The following PRKG1 variants were observed in gnomAD, a reference collection of about 807,000 sequenced individuals.
The protein encoded by PRKG1 is protein kinase cGMP-dependent 1.
A neutral mutation model predicts 88.1 loss-of-function variants in PRKG1; 35 were observed. The ratio of observed to expected loss-of-function variants is 0.40; its 90% CI spans 0.30 to 0.53. The LOEUF (loss-of-function observed/expected upper bound fraction) is 0.53, where lower values mean the gene tolerates loss of function less well. PRKG1 is among the 20% of genes least tolerant of loss of function. The pLI is 0.59. For missense variants in PRKG1, 540 were observed against 839.8 expected (o/e 0.64, Z 4.41); for synonymous variants, 303 against 292.5 (o/e 1.04, Z -0.37).
intron 5 of PRKG1, among the ~76,000 whole-genome samples, chr10:51,987,700 C>G (rs143352506): frequency 6.6e-6 from 1 of 151,908 alleles, no homozygotes; most frequent in African/African-American, 2.4e-5. Context: ...TGTAACTATT[C>G]GCTCTAAAGA....
intron 1 of PRKG1, among the ~76,000 whole-genome samples, chr10:51,023,805 G>A (rs1843168514): frequency 1.3e-5 from 2 of 152,094 alleles, no homozygotes; most frequent in South Asian, 4.1e-4. Flanking sequence ...GATAACCCTG[G>A]TTATGCTCTG....
At chr10:51,304,753 A>G (rs945752346) in intron 2 of PRKG1, among the ~76,000 whole-genome samples, 1 of 150,672 alleles carries the variant, frequency 6.6e-6, no homozygotes, top group South Asian at 2.1e-4. Flanking sequence ...TCGTCCTTGC[A>G]ATAGTTTACT....
At chr10:52,038,979 G>A (rs1484053487) in intron 5 of PRKG1, among the ~76,000 whole-genome samples, 2 of 152,192 alleles carry the variant, frequency 1.3e-5, no homozygotes, top group Admixed American at 6.5e-5. Context: ...TTTAAAATTG[G>A]TGAGATGTTC....
intron 3 of PRKG1, among the ~76,000 whole-genome samples, chr10:51,486,991 A>G (rs998133): frequency 0.068 from 10,345 of 151,976 alleles, 506 homozygotes; most frequent in South Asian, 0.13. Flanking sequence ...ACATTTGTTA[A>G]AGGGCATCAC....
chr10:52,116,035 G>A (rs1847679313), intron 7 of PRKG1, among the ~76,000 whole-genome samples: 1 of 152,108 alleles, frequency 6.6e-6, no homozygotes. Flanking sequence ...AAAAAGAGGT[G>A]CCATGCAGAA....
intron 3 of PRKG1, among the ~76,000 whole-genome samples, chr10:51,594,453 A>C (rs12248967): frequency 0.072 from 10,935 of 152,226 alleles, 1,287 homozygotes; most frequent in African/African-American, 0.25. Context: ...CATCACAATA[A>C]ATGTTATATT....
chr10:51,123,867 G>A (rs758587896), intron 1 of PRKG1, among the ~76,000 whole-genome samples: 9 of 152,058 alleles, frequency 5.9e-5, no homozygotes, highest in South Asian at 2.1e-4. Flanking sequence ...GGCACTTCAC[G>A]TGGTGAAAGC....
At chr10:51,011,201 G>A (rs1486497223) in intron 1 of PRKG1, among the ~76,000 whole-genome samples, 1 of 152,128 alleles carries the variant, frequency 6.6e-6, no homozygotes, top group Non-Finnish European at 1.5e-5. Flanking sequence ...TTTGTTGTGT[G>A]TGTGTGTGGG....
intron 2 of PRKG1, among the ~76,000 whole-genome samples, chr10:51,222,826 G>GT (rs1170541066): frequency 6.6e-6 from 1 of 151,998 alleles, no homozygotes; most frequent in Non-Finnish European, 1.5e-5. Context: ...GAATTCTGCA[G>GT]TTTTTTCCAG....
intron 3 of PRKG1, among the ~76,000 whole-genome samples, chr10:51,569,578 G>T (rs1455316117): frequency 6.6e-6 from 1 of 151,918 alleles, no homozygotes; most frequent in African/African-American, 2.4e-5. Flanking sequence ...AAATTACCAT[G>T]CATGAGACAG....
chr10:52,196,626 C>T (rs1839514351), intron 9 of PRKG1, among the ~76,000 whole-genome samples: 1 of 152,048 alleles, frequency 6.6e-6, no homozygotes. Context: ...AAGGAGACTC[C>T]AGGGTGTGTG....
intron 2 of PRKG1, among the ~76,000 whole-genome samples, chr10:51,451,346 G>T (rs1285216181): frequency 6.6e-6 from 1 of 151,282 alleles, no homozygotes; most frequent in East Asian, 1.9e-4. Flanking sequence ...ACTGTTGTTT[G>T]TTACCACACT....
intron 1 of PRKG1, among the ~76,000 whole-genome samples, chr10:51,086,230 T>C (rs1232694766): frequency 6.6e-6 from 1 of 152,222 alleles, no homozygotes; most frequent in Admixed American, 6.5e-5. Flanking sequence ...TTTTAACTTC[T>C]TGACACCTTT....
intron 7 of PRKG1, among the ~76,000 whole-genome samples, chr10:52,103,023 C>A (rs995325877): frequency 1.3e-5 from 2 of 152,182 alleles, no homozygotes; most frequent in Non-Finnish European, 2.9e-5. Context: ...CCTGTCAGAT[C>A]AGAGATGGCA....
intron 3 of PRKG1, among the ~76,000 whole-genome samples, chr10:51,780,192 T>G (rs1251728465): frequency 6.6e-6 from 1 of 152,136 alleles, no homozygotes; most frequent in Non-Finnish European, 1.5e-5. Context: ...AGCAGTAGTT[T>G]GTACCCTGTC....
At chr10:51,682,574 G>T (rs543000867) in intron 3 of PRKG1, among the ~76,000 whole-genome samples, 106 of 152,216 alleles carry the variant, frequency 7.0e-4, no homozygotes, top group African/African-American at 1.2e-3. Flanking sequence ...TGTTTGTTTG[G>T]TTGGTTGGTT....
chr10:51,447,992 G>A (rs1261832913), intron 2 of PRKG1, among the ~76,000 whole-genome samples: 1 of 151,810 alleles, frequency 6.6e-6, no homozygotes, highest in Non-Finnish European at 1.5e-5. Context: ...TCTTTGCATT[G>A]GTCACAAAAA....
intron 4 of PRKG1, among the ~76,000 whole-genome samples, chr10:51,898,169 C>T (rs546326911): frequency 1.3e-5 from 2 of 152,118 alleles, no homozygotes; most frequent in Non-Finnish European, 2.9e-5. Context: ...ATCTCCCTCA[C>T]CTTTCTCAGG....
intron 5 of PRKG1, among the ~76,000 whole-genome samples, chr10:51,974,446 C>A (rs1843780728): frequency 6.6e-6 from 1 of 152,262 alleles, no homozygotes; most frequent in South Asian, 2.1e-4. Flanking sequence ...TTTAGCCTTG[C>A]ATCACCTGTC....
Sources: gnomAD v4.1 joint callset for allele counts (sites outside exome capture counted in the v4.1 genomes callset) on GRCh38, gnomAD v4.1.1 for gene constraint, MANE v1.5 for transcripts, NCBI Gene and HGNC (gene_info 2026-07-23, HGNC 2026-07-21) for gene names.